Variants in ADK observed in about 807,000 individuals in gnomAD.
ADK encodes adenosine kinase.
A neutral mutation model predicts 44.7 loss-of-function variants in ADK; 24 were observed. That is an observed-to-expected ratio of 0.54 (90% CI 0.39 to 0.76). The LOEUF is 0.76. Ranked by LOEUF, ADK falls within the 30% of genes least tolerant of loss-of-function variation. The pLI, the probability that ADK is intolerant of heterozygous loss-of-function variation, is 0.00. For missense variants in ADK, 321 were observed against 425.1 expected, an observed-to-expected ratio of 0.76 and a Z score of 2.15; for synonymous variants, 128 against 142.6, an observed-to-expected ratio of 0.90 and a Z score of 0.73.
At chr10:74,296,827 G>T (rs1839835795) in intron 3 of ADK, among the ~76,000 whole-genome samples, 1 of 151,906 alleles carries the variant, frequency 6.6e-6, no homozygotes, top group African/African-American at 2.4e-5. Context: ...TGTTAGCCAG[G>T]ATGGTCTTGA....
intron 7 of ADK, among the ~76,000 whole-genome samples, chr10:74,563,328 T>C (rs1326001000): frequency 6.6e-6 from 1 of 152,208 alleles, no homozygotes; most frequent in Non-Finnish European, 1.5e-5. Flanking sequence ...TCATGTTCAG[T>C]GTTACTCACC....
chr10:74,475,978 G>A (rs774805479), intron 6 of ADK, among the ~76,000 whole-genome samples: 1 of 152,132 alleles, frequency 6.6e-6, no homozygotes, highest in Non-Finnish European at 1.5e-5. Context: ...TGTATACATA[G>A]ACACACATTG....
At chr10:74,171,268 G>T (rs536788409) in intron 1 of ADK, among the ~76,000 whole-genome samples, 5 of 152,198 alleles carry the variant, frequency 3.3e-5, no homozygotes, top group African/African-American at 1.2e-4. Flanking sequence ...AATGATAGTT[G>T]CCTAAAAGTT....
chr10:74,452,650 C>A (rs2133194086), intron 6 of ADK, among the ~76,000 whole-genome samples: 1 of 151,914 alleles, frequency 6.6e-6, no homozygotes, highest in East Asian at 1.9e-4. Flanking sequence ...AGGTTCAAGT[C>A]ATCTGTAATA....
chr10:74,244,909 C>T (rs1845358450), intron 3 of ADK, among the ~76,000 whole-genome samples: 1 of 152,198 alleles, frequency 6.6e-6, no homozygotes, highest in Admixed American at 6.5e-5. Context: ...TAATGAAATA[C>T]ACTTTTCAGT....
chr10:74,218,897 C>G lies in ADK; in HGVS notation c.141-5641C>G, dbSNP rs529693867. Among the ~76,000 whole-genome samples the G allele has an allele frequency of 4.7e-3, 718 of 152,174 alleles. 3 individuals are homozygous for G. The highest frequency in any genetic ancestry group is 0.016 in the African/African-American group (677 of 41,528). On this transcript the variant is annotated intron_variant, in intron 2 of 10. Transcript: ENST00000539909. The stretch of plus-strand genomic sequence containing the variant: ...TAAACAAGGAAAGGAACAACCGGTA[C>G]CAGCTGCTGCAAAATCATGCCAAAA...
chr10:74,373,302 TAAGAG>T (rs1842725513), intron 4 of ADK, among the ~76,000 whole-genome samples: 2 of 152,028 alleles, frequency 1.3e-5, no homozygotes, highest in African/African-American at 4.8e-5. Context: ...GCATGAGCAA[TAAGAG>T]AAAAGAATAA....
intron 7 of ADK, among the ~76,000 whole-genome samples, chr10:74,544,339 A>C (rs994716397): frequency 1.3e-5 from 2 of 152,220 alleles, no homozygotes; most frequent in Non-Finnish European, 2.9e-5. Context: ...CATCAGCATA[A>C]CAAAGGCACT....
At chr10:74,629,470 G>A (rs561873793) in intron 9 of ADK, among the ~76,000 whole-genome samples, 1 of 152,170 alleles carries the variant, frequency 6.6e-6, no homozygotes, top group Non-Finnish European at 1.5e-5. Context: ...TGAAATGTCA[G>A]CAGATAAGGT....
chr10:74,458,933 A>T (rs914195502), intron 6 of ADK, among the ~76,000 whole-genome samples: 19 of 152,196 alleles, frequency 1.2e-4, no homozygotes, highest in Non-Finnish European at 2.1e-4. Context: ...ACACATATAT[A>T]CTCTACCTTA....
At chr10:74,410,931 A>G (rs1432030646) in intron 6 of ADK, among the ~76,000 whole-genome samples, 1 of 152,172 alleles carries the variant, frequency 6.6e-6, no homozygotes, top group Non-Finnish European at 1.5e-5. Flanking sequence ...TTAATTTATA[A>G]TATTCTTCTG....
chr10:74,605,502 C>A (rs1042458145), intron 9 of ADK, among the ~76,000 whole-genome samples: 1 of 152,120 alleles, frequency 6.6e-6, no homozygotes, highest in African/African-American at 2.4e-5. Context: ...TTGAGGTAAT[C>A]ATGTGGCTTT....
chr10:74,514,327 G>T (rs1253125206), intron 6 of ADK, among the ~76,000 whole-genome samples: 1 of 152,124 alleles, frequency 6.6e-6, no homozygotes, highest in Non-Finnish European at 1.5e-5. Context: ...TCTCGACTTG[G>T]ATGTCTCTCT....
chr10:74,627,656 A>C (rs1314258982), intron 9 of ADK, among the ~76,000 whole-genome samples: 1 of 151,234 alleles, frequency 6.6e-6, no homozygotes, highest in Non-Finnish European at 1.5e-5. Context: ...TCTGAGACGG[A>C]GTCTCGCTCT....
At chr10:74,455,131 A>G (rs907933888) in intron 6 of ADK, among the ~76,000 whole-genome samples, 5 of 152,190 alleles carry the variant, frequency 3.3e-5, no homozygotes, top group Admixed American at 3.3e-4. Flanking sequence ...CTACTTTATA[A>G]GGATAAAATG....
intron 6 of ADK, among the ~76,000 whole-genome samples, chr10:74,402,839 A>G (rs1405540649): frequency 6.6e-6 from 1 of 152,088 alleles, no homozygotes; most frequent in Non-Finnish European, 1.5e-5. Context: ...TGATTTTTAG[A>G]ATTGTCAGCT....
rs562968406 is a variant in ADK at position 74,616,635 on chromosome 10, T to C, written c.877+16142T>C. Reference sequence around the variant, plus strand: ...ATAACTTAGGTTTATAATCAGTCTTTTTATCTGGCAATGTCAGTCTTCTGA... The same window carrying C: ...ATAACTTAGGTTTATAATCAGTCTTCTTATCTGGCAATGTCAGTCTTCTGA... On this transcript the variant is annotated intron_variant, in intron 9 of 10. Coordinates refer to ENST00000539909, the MANE Select transcript of ADK (RefSeq NM_006721.4). 6.6e-5 allele frequency among the ~76,000 whole-genome samples: 10 copies of C among 152,334 alleles called. No individual in the cohort carries two copies. In the South Asian group the frequency reaches 1.9e-3, roughly 28 times the overall value.
At chr10:74,309,388 T>G (rs1298927057) in intron 3 of ADK, among the ~76,000 whole-genome samples, 2 of 152,160 alleles carry the variant, frequency 1.3e-5, no homozygotes, top group Admixed American at 1.3e-4. Flanking sequence ...ATCTTCTAGT[T>G]TTTAGGCTGC....
At chr10:74,573,028 T>C (rs1429445334) in intron 7 of ADK, among the ~76,000 whole-genome samples, 8 of 152,242 alleles carry the variant, frequency 5.3e-5, no homozygotes, top group Non-Finnish European at 1.2e-4. Flanking sequence ...CCATCCAGCT[T>C]TGTTCCGTTG....
Sources: gnomAD v4.1 joint callset for allele counts (sites outside exome capture counted in the v4.1 genomes callset) on GRCh38, gnomAD v4.1.1 for gene constraint, MANE v1.5 for transcripts, NCBI Gene and HGNC (gene_info 2026-07-23, HGNC 2026-07-21) for gene names.